PALM2AKAP2: variants seen among roughly 807,000 people sequenced by gnomAD.
PALM2AKAP2 encodes the protein PALM2-AKAP2 fusion protein.
PALM2AKAP2 carries 37 observed loss-of-function variants against 71.5 expected under a neutral mutation model. That is an observed-to-expected ratio of 0.52 (90% CI 0.40 to 0.68). PALM2AKAP2 has a LOEUF of 0.68. Ranked by LOEUF, PALM2AKAP2 falls within the 30% of genes least tolerant of loss-of-function variation. The probability of loss-of-function intolerance (pLI) is 0.00; values close to 1 mark genes in which losing one functional copy is unlikely to be tolerated. For synonymous variants in PALM2AKAP2, 468 were observed against 478.8 expected, an observed-to-expected ratio of 0.98 and a Z score of 0.29; for missense variants, 1,224 against 1,191.8, an observed-to-expected ratio of 1.03 and a Z score of -0.40.
intron 3 of PALM2AKAP2, among the ~76,000 whole-genome samples, chr9:109,888,161 G>C (rs919260708): frequency 6.6e-6 from 1 of 152,234 alleles, no homozygotes; most frequent in South Asian, 2.1e-4. Context: ...GCGGGAAACA[G>C]TGTGTGCTTC....
intron 1 of PALM2AKAP2, among the ~76,000 whole-genome samples, chr9:109,775,021 A>G (rs937529679): frequency 7.2e-5 from 11 of 152,242 alleles, no homozygotes; most frequent in African/African-American, 2.7e-4. Flanking sequence ...ACCCAATGAG[A>G]CTGGACATCA....
At chr9:109,793,823 A>G (rs1827180489) in intron 1 of PALM2AKAP2, among the ~76,000 whole-genome samples, 1 of 152,258 alleles carries the variant, frequency 6.6e-6, no homozygotes, top group African/African-American at 2.4e-5. Flanking sequence ...TGAAATTCAA[A>G]TGTCAGCATC....
At chr9:109,733,992 G>A (rs564670591) in intron 1 of PALM2AKAP2, among the ~76,000 whole-genome samples, 88 of 152,310 alleles carry the variant, frequency 5.8e-4, no homozygotes, top group African/African-American at 2.0e-3. Context: ...GCAAAGGAGA[G>A]GTGTGGCCAT....
intron 7 of PALM2AKAP2, among the ~76,000 whole-genome samples, chr9:110,032,769 A>T (rs1416678949): frequency 5.3e-5 from 8 of 150,764 alleles, no homozygotes; most frequent in African/African-American, 1.5e-4. Flanking sequence ...CAAAAAAAAT[A>T]AAAAAATAAA....
intron 2 of PALM2AKAP2, among the ~76,000 whole-genome samples, chr9:110,146,524 C>G (rs903721824): frequency 1.3e-5 from 2 of 152,152 alleles, no homozygotes; most frequent in Non-Finnish European, 2.9e-5. Context: ...AAAACAGATG[C>G]ATAGTTTTCA....
chr9:109,969,088 G>GCACA (rs34057385), intron 6 of PALM2AKAP2, among the ~76,000 whole-genome samples: 8,386 of 149,592 alleles, frequency 0.056, 247 homozygotes, highest in Middle Eastern at 0.1. Flanking sequence ...AAATGTGCGT[G>GCACA]CACACACACA....
At chr9:110,085,074 A>T (rs1243995655) in intron 1 of PALM2AKAP2, among the ~76,000 whole-genome samples, 1 of 152,024 alleles carries the variant, frequency 6.6e-6, no homozygotes, top group Non-Finnish European at 1.5e-5. Flanking sequence ...TATATTTTCC[A>T]TCGTGGTTGG....
At position 109,665,135 on chromosome 9, in the gene PALM2AKAP2, C is replaced by T. The variant is rs115869481; in HGVS notation, c.5+24269C>T. ...TCCTTGCGATGGGTTCGAACCTCCT[C>T]CTTTAGCTCTGAGAAGTTTGTTATT... On this transcript the variant is annotated intron_variant, in intron 1 of 6. Transcript: ENST00000374531. Among the ~76,000 whole-genome samples the T allele has an allele frequency of 9.0e-4, 137 of 152,272 alleles. 1 individual carries two copies. The highest frequency in any genetic ancestry group is 3.2e-3 in the African/African-American group (134 of 41,554).
chr9:109,847,145 A>G (rs1045344689), intron 1 of PALM2AKAP2, among the ~76,000 whole-genome samples: 2 of 151,950 alleles, frequency 1.3e-5, no homozygotes, highest in Admixed American at 1.3e-4. Context: ...TTTTTTGCAG[A>G]TGCAATTAGG....
intron 1 of PALM2AKAP2, among the ~76,000 whole-genome samples, chr9:109,798,488 C>T (rs1827328204): frequency 6.6e-6 from 1 of 152,206 alleles, no homozygotes; most frequent in African/African-American, 2.4e-5. Flanking sequence ...TCTACACACT[C>T]ATGTATCCCA....
exon 2 of PALM2AKAP2, chr9:110,137,378 G>A: frequency 6.2e-7 from 1 of 1,614,170 alleles, no homozygotes; most frequent in Non-Finnish European, 8.5e-7. Context: ...GGGACCTCCA[G>A]AAGACAGTGG....
intron 1 of PALM2AKAP2, among the ~76,000 whole-genome samples, chr9:109,857,862 C>T (rs564384856): frequency 6.6e-6 from 1 of 152,334 alleles, no homozygotes; most frequent in African/African-American, 2.4e-5. Context: ...CATAGCAAGG[C>T]ATCAATAAAC....
intron 1 of PALM2AKAP2, among the ~76,000 whole-genome samples, chr9:109,667,240 G>A (rs187083767): frequency 1.6e-3 from 237 of 152,306 alleles, no homozygotes; most frequent in African/African-American, 5.6e-3. Context: ...AAAAGAGAAT[G>A]ATGACAGATA....
At chr9:110,110,160 A>G (rs1156278497) in intron 1 of PALM2AKAP2, among the ~76,000 whole-genome samples, 2 of 152,214 alleles carry the variant, frequency 1.3e-5, no homozygotes, top group African/African-American at 4.8e-5. Context: ...CATTCCACAA[A>G]GCATATGTAT....
At chr9:109,693,925 C>T (rs1046879376) in intron 1 of PALM2AKAP2, among the ~76,000 whole-genome samples, 4 of 151,926 alleles carry the variant, frequency 2.6e-5, no homozygotes, top group Non-Finnish European at 4.4e-5. Flanking sequence ...GTAGTGTGTT[C>T]TTTACCACAA....
chr9:109,776,449 C>T (rs766071892), upstream of PALM2AKAP2, among the ~76,000 whole-genome samples: 14 of 152,188 alleles, frequency 9.2e-5, no homozygotes, highest in Non-Finnish European at 1.2e-4. Flanking sequence ...AGAGATGGAA[C>T]GTCCAAAGAA....
At chr9:110,123,232 G>T (rs900574424) in intron 1 of PALM2AKAP2, among the ~76,000 whole-genome samples, 2 of 152,162 alleles carry the variant, frequency 1.3e-5, no homozygotes, top group Non-Finnish European at 1.5e-5. Context: ...ACACATTGGT[G>T]GGGGGAGGCT....
chr9:109,819,729 G>A (rs1032260474), intron 1 of PALM2AKAP2, among the ~76,000 whole-genome samples: 4 of 151,536 alleles, frequency 2.6e-5, no homozygotes, highest in Non-Finnish European at 4.4e-5. Flanking sequence ...GTGTGTGTGT[G>A]TGTGTATTAT....
chr9:109,700,658 G>T (rs1042260050), intron 1 of PALM2AKAP2, among the ~76,000 whole-genome samples: 1 of 152,146 alleles, frequency 6.6e-6, no homozygotes, highest in Non-Finnish European at 1.5e-5. Context: ...TGTCTCACTG[G>T]AAAGCTTGGG....
Sources: gnomAD v4.1 joint callset for allele counts (sites outside exome capture counted in the v4.1 genomes callset) on GRCh38, gnomAD v4.1.1 for gene constraint, MANE v1.5 for transcripts, NCBI Gene and HGNC (gene_info 2026-07-23, HGNC 2026-07-21) for gene names.